The following CBFA2T3 variants were observed in gnomAD, a reference collection of about 807,000 sequenced individuals.
The protein encoded by CBFA2T3 is transcriptional corepressor CBFA2T3.
Under a neutral mutation model 58.6 loss-of-function variants are expected in CBFA2T3, and 31 were observed. The observed-to-expected ratio is 0.53, with a 90% CI of 0.40 to 0.71. The LOEUF (loss-of-function observed/expected upper bound fraction) is 0.71. Ranked by LOEUF, CBFA2T3 falls within the 30% of genes least tolerant of loss-of-function variation. CBFA2T3 has a pLI of 0.00. For synonymous variants in CBFA2T3, 531 were observed against 421.9 expected, an observed-to-expected ratio of 1.26 and a Z score of -3.17; for missense variants, 1,076 against 963.1, an observed-to-expected ratio of 1.12 and a Z score of -1.55.
At chr16:88,912,776 G>A (rs559417168) in intron 1 of CBFA2T3, among the ~76,000 whole-genome samples, 1 of 152,332 alleles carries the variant, frequency 6.6e-6, no homozygotes, top group East Asian at 1.9e-4. Context: ...TCAACGGGGC[G>A]GCTCGCTGCT....
At chr16:88,910,674 C>T (rs549900818) in intron 1 of CBFA2T3, among the ~76,000 whole-genome samples, 1 of 152,320 alleles carries the variant, frequency 6.6e-6, no homozygotes, top group South Asian at 2.1e-4. Flanking sequence ...CTCTGGTGCC[C>T]CTGAGGGGCA....
chr16:88,877,107 G>T lies in CBFA2T3; in HGVS notation c.1831C>A (p.Pro611Thr). 1 of 1,545,566 alleles carries T rather than the reference G, an allele frequency of 6.5e-7. No homozygotes were observed. Among genetic ancestry groups the T allele is most frequent in the Non-Finnish European group, 8.7e-7 (1 of 1,145,002 alleles). Reference protein sequence around the residue: ...AVVADPVPGPPEAAHSLGPSL... With the variant: ...AVVADPVPGPTEAAHSLGPSL... ...GGGCCCAGGCTGTGGGCGGCTTCGGGCGGTCCAGGCACCGGGTCGGCCACC... is the reference window on the plus strand; with the variant it reads ...GGGCCCAGGCTGTGGGCGGCTTCGGTCGGTCCAGGCACCGGGTCGGCCACC... The change falls in exon 12 of 12, where the codon CCC (proline) becomes ACC (threonine). Residue 611 changes from proline to threonine, a missense_variant. By Grantham distance (38) the Pro-to-Thr change is conservative. Coordinates refer to ENST00000268679, the MANE Select transcript of CBFA2T3 (RefSeq NM_005187.6).
chr16:88,976,258 C>T (rs72815532), intron 1 of CBFA2T3, among the ~76,000 whole-genome samples: 9 of 152,324 alleles, frequency 5.9e-5, no homozygotes, highest in South Asian at 4.1e-4. Flanking sequence ...CTCATCCAAC[C>T]TGCTGTGAGG....
chr16:88,921,360 G>A (rs544452339), intron 1 of CBFA2T3, among the ~76,000 whole-genome samples: 1 of 152,208 alleles, frequency 6.6e-6, no homozygotes, highest in Non-Finnish European at 1.5e-5. Flanking sequence ...AAGCCGAGCC[G>A]ATCCTCCGTG....
intron 8 of CBFA2T3, among the ~76,000 whole-genome samples, chr16:88,882,429 G>A (rs1411348375): frequency 6.6e-6 from 1 of 151,836 alleles, no homozygotes; most frequent in African/African-American, 2.4e-5. Flanking sequence ...GTATGGCTGT[G>A]TGTGGGTGTG....
chr16:88,901,854 G>C (rs1336058051), intron 1 of CBFA2T3, among the ~76,000 whole-genome samples, 198 bp from the exon 2 acceptor site: 1 of 152,190 alleles, frequency 6.6e-6, no homozygotes, highest in Non-Finnish European at 1.5e-5. Context: ...GGACGGGCTT[G>C]GGCCAGCTCA....
In CBFA2T3 at chr16:88,977,166, G is replaced by A. The variant is rs1347720180; in HGVS notation, c.-359C>T. The A allele has an allele frequency of 6.8e-6, 2 of 293,222 alleles. No homozygotes were observed. The highest frequency in any genetic ancestry group is 9.1e-5 in the South Asian group (1 of 10,986). 18.2% of individuals were successfully genotyped at this position (293,222 alleles called of 1,614,324 possible). A position where few individuals can be genotyped will look rare whatever the true frequency, so the allele number is the denominator to read the frequency against. On this transcript the variant is annotated 5_prime_UTR_variant, in exon 1 of 12. Transcript: ENST00000268679. ...CCACTTCCCTGACAGGAACCATCTGGGGCCCTGCCCTGCGCGGCCTTCCCT... is the reference window on the plus strand; with the variant it reads ...CCACTTCCCTGACAGGAACCATCTGAGGCCCTGCCCTGCGCGGCCTTCCCT...
intron 1 of CBFA2T3, among the ~76,000 whole-genome samples, chr16:88,963,486 C>G (rs1972420344): frequency 6.6e-6 from 1 of 152,292 alleles, no homozygotes; most frequent in East Asian, 1.9e-4. Context: ...CCACCTAACT[C>G]CAGAGCACAT....
chr16:88,967,098 G>A (rs886716094), intron 1 of CBFA2T3, among the ~76,000 whole-genome samples: 1 of 146,092 alleles, frequency 6.8e-6, no homozygotes, highest in African/African-American at 2.5e-5. Context: ...GCGCTGGTGT[G>A]TGCCACCCCC....
chr16:88,875,269 A>G lies in CBFA2T3; in HGVS notation c.*1707T>C, dbSNP rs1597647701. 4.7e-6 allele frequency: 1 copy of G among 213,846 alleles called. No homozygotes were observed. Among genetic ancestry groups the G allele is most frequent in the African/African-American group, 2.3e-5 (1 of 43,894 alleles). 13.2% of individuals were successfully genotyped at this position (213,846 alleles called of 1,614,324 possible). A position where few individuals can be genotyped will look rare whatever the true frequency, so the allele number is the denominator to read the frequency against. On this transcript the variant is annotated 3_prime_UTR_variant, in exon 12 of 12. Transcript: ENST00000268679. ...GCTGTCTGTCCTTGTACTCGGTGCA[A>G]GCATGAATTTCTTTATCCCTTTATT...
At chr16:88,892,544 G>A (rs1309955566) in intron 3 of CBFA2T3, 59 bp from the exon 4 acceptor site, 38 of 1,593,466 alleles carry the variant, frequency 2.4e-5, no homozygotes, top group East Asian at 4.5e-5. Flanking sequence ...CAACCCAGAC[G>A]GCGGCGACAG....
At chr16:88,879,223 G>A (rs371376227) in intron 11 of CBFA2T3, 47 bp downstream of exon 11, 15 of 1,515,336 alleles carry the variant, frequency 9.9e-6, no homozygotes, top group Admixed American at 3.5e-5. Context: ...GGGACCGCAC[G>A]GGAGCCGAGG....
intron 11 of CBFA2T3, among the ~76,000 whole-genome samples, chr16:88,877,815 G>C (rs1010618946): frequency 6.6e-6 from 1 of 152,234 alleles, no homozygotes; most frequent in African/African-American, 2.4e-5. Context: ...CAAAAAGCCT[G>C]TGGGCAGAGC....
intron 3 of CBFA2T3, among the ~76,000 whole-genome samples, chr16:88,894,054 C>G (rs1380737038): frequency 6.6e-6 from 1 of 152,164 alleles, no homozygotes; most frequent in African/African-American, 2.4e-5. Context: ...CCGCCTCCTG[C>G]AGAAGGACAC....
intron 4 of CBFA2T3, 65 bp from the exon 5 acceptor site, chr16:88,892,036 C>T (rs1326165316): frequency 6.9e-7 from 1 of 1,457,088 alleles, no homozygotes; most frequent in Non-Finnish European, 9.6e-7. Flanking sequence ...CCGACCCACC[C>T]ATGCCTGAGG....
intron 5 of CBFA2T3, among the ~76,000 whole-genome samples, chr16:88,891,636 G>T (rs922710601): frequency 6.6e-6 from 1 of 152,186 alleles, no homozygotes; most frequent in Non-Finnish European, 1.5e-5. Context: ...ATAATCATCC[G>T]GTCTGGCAAC....
intron 7 of CBFA2T3, 70 bp downstream of exon 7, chr16:88,884,975 CA>C: frequency 8.4e-7 from 1 of 1,197,374 alleles, no homozygotes; most frequent in Non-Finnish European, 1.2e-6. Flanking sequence ...CCCACATGCT[CA>C]GGTGTACATG....
chr16:88,884,989 G>T, intron 7 of CBFA2T3, 57 bp downstream of exon 7: 4 of 1,331,478 alleles, frequency 3.0e-6, no homozygotes, highest in South Asian at 2.7e-5. Context: ...TGTACATGTG[G>T]GCGCATGTGT....
intron 5 of CBFA2T3, among the ~76,000 whole-genome samples, chr16:88,890,109 C>T (rs911954850): frequency 6.6e-6 from 1 of 151,938 alleles, no homozygotes; most frequent in African/African-American, 2.4e-5. Flanking sequence ...CGTTTCAAAT[C>T]CCTGGACGAT....
Sources: gnomAD v4.1 joint callset for allele counts (sites outside exome capture counted in the v4.1 genomes callset) on GRCh38, gnomAD v4.1.1 for gene constraint, MANE v1.5 for transcripts, NCBI Gene and HGNC (gene_info 2026-07-23, HGNC 2026-07-21) for gene names.